Variants in THTPA observed in about 807,000 individuals in gnomAD.
THTPA encodes thiamine triphosphatase.
THTPA carries 16 observed loss-of-function variants against 16.5 expected under a neutral mutation model. The ratio of observed to expected loss-of-function variants is 0.97; its 90% confidence interval spans 0.66 to 1.47. The LOEUF is 1.47. Among genes scored for constraint, THTPA ranks in the 40% most tolerant of loss-of-function variants. The pLI, the probability that THTPA is intolerant of heterozygous loss-of-function variation, is 0.00. For synonymous variants in THTPA, 110 were observed against 115.5 expected (o/e 0.95, Z 0.30); for missense variants, 281 against 280.9 (o/e 1.00, Z 0.00).
the THTPA span, among the ~76,000 whole-genome samples, chr14:23,549,504 A>G: frequency 8.5e-5 from 13 of 152,150 alleles, no homozygotes; most frequent in South Asian, 2.1e-4. Context: ...GGCTCCTTAC[A>G]TACGATAGCT....
the THTPA span, chr14:23,521,969 G>A: frequency 6.5e-7 from 1 of 1,536,300 alleles, no homozygotes; most frequent in East Asian, 2.4e-5. Flanking sequence ...TGTTTATAAA[G>A]CTAGAAGTGT....
chr14:23,526,785 C>A, the THTPA span: 2 of 1,525,474 alleles, frequency 1.3e-6, no homozygotes, highest in South Asian at 1.2e-5. Flanking sequence ...ATCTTCAGAC[C>A]TTGTTGGCCC....
chr14:23,521,492 T>C, the THTPA span: 1 of 155,168 alleles, frequency 6.4e-6, no homozygotes, highest in Non-Finnish European at 1.4e-5. Flanking sequence ...TTCTTTTTCG[T>C]TTCTTCTTTT....
chr14:23,522,293 T>C, the THTPA span: 6 of 1,507,520 alleles, frequency 4.0e-6, no homozygotes, highest in Admixed American at 1.2e-4. Context: ...AGCCGGGGCC[T>C]CCCCGTCAAA....
the THTPA span, chr14:23,548,281 C>G: frequency 6.6e-6 from 1 of 152,348 alleles, no homozygotes; most frequent in East Asian, 1.9e-4. Flanking sequence ...CAGGCTCTAG[C>G]AAACCTCAGG....
chr14:23,519,813 G>A, the THTPA span, among the ~76,000 whole-genome samples: 1 of 152,136 alleles, frequency 6.6e-6, no homozygotes, highest in Non-Finnish European at 1.5e-5. Context: ...GACTGATAGA[G>A]CAGAAAACCT....
chr14:23,533,280 C>T, the THTPA span: 1 of 1,436,440 alleles, frequency 7.0e-7, no homozygotes, highest in Non-Finnish European at 9.1e-7. The surrounding 1 kb of genome is among the most constrained non-coding windows in gnomAD (Gnocchi z 4.8). Flanking sequence ...AGCACAGAAG[C>T]TTACCGGATG....
the THTPA span, chr14:23,524,601 G>T: frequency 6.5e-7 from 1 of 1,536,268 alleles, no homozygotes; most frequent in South Asian, 1.2e-5. This position sits in a 1 kb window ranked among gnomAD's most constrained non-coding sequence, Gnocchi z 5.6. Flanking sequence ...AGGAGGTCCT[G>T]GCTGGAGAAA....
the THTPA span, chr14:23,522,849 G>T: frequency 6.5e-7 from 1 of 1,529,596 alleles, no homozygotes; most frequent in Non-Finnish European, 8.7e-7. Context: ...GGTCTCTGAG[G>T]TAAGGGGCGG....
At chr14:23,525,903 G>A in the THTPA span, 9 of 1,461,014 alleles carry the variant, frequency 6.2e-6, no homozygotes, top group Non-Finnish European at 7.2e-6. The surrounding 1 kb of genome is among the most constrained non-coding windows in gnomAD (Gnocchi z 5.9). Flanking sequence ...AGAGGGAAGG[G>A]GGGCAGGACT....
chr14:23,531,654 G>A, the THTPA span: 932 of 1,507,378 alleles, frequency 6.2e-4, 3 homozygotes, highest in Non-Finnish European at 7.5e-4. Context: ...TGTCTCCCAC[G>A]CACACAACAG....
At chr14:23,523,737 T>G in the THTPA span, 1 of 1,536,284 alleles carries the variant, frequency 6.5e-7, no homozygotes, top group Non-Finnish European at 8.7e-7. The surrounding 1 kb of genome is among the most constrained non-coding windows in gnomAD (Gnocchi z 4.1). Context: ...ATCTGGGTCC[T>G]GTAGCGCCGC....
chr14:23,559,912 G>A lies in THTPA; in HGVS notation c.*1072G>A. 1 of 1,611,282 alleles carries A rather than the reference G, an allele frequency of 6.2e-7. No homozygotes were observed. Among genetic ancestry groups the A allele is most frequent in the Non-Finnish European group, 8.5e-7 (1 of 1,177,788 alleles). On this transcript the variant is annotated 3_prime_UTR_variant, in exon 2 of 2. Coordinates refer to ENST00000288014, the MANE Select transcript of THTPA (RefSeq NM_024328.6). The stretch of plus-strand genomic sequence containing the variant: ...ACGGCTTCTTCTATCCCTGGGTCTT[G>A]TCTTGGGGGAACTCCTGAAGCTCAC...
At chr14:23,520,682 T>C in the THTPA span, among the ~76,000 whole-genome samples, 4 of 151,530 alleles carry the variant, frequency 2.6e-5, no homozygotes, top group Admixed American at 1.3e-4. This position sits in a 1 kb window ranked among gnomAD's most constrained non-coding sequence, Gnocchi z 8.7. Flanking sequence ...AGGCTGCGCA[T>C]AGCAGGGGAG....
At chr14:23,546,186 AC>A in the THTPA span, among the ~76,000 whole-genome samples, 1 of 152,192 alleles carries the variant, frequency 6.6e-6, no homozygotes, top group Non-Finnish European at 1.5e-5. The surrounding 1 kb of genome is among the most constrained non-coding windows in gnomAD (Gnocchi z 4.7). Flanking sequence ...GGTCTTGCAC[AC>A]CCTGGAACAT....
At chr14:23,537,509 G>A in the THTPA span, among the ~76,000 whole-genome samples, 14 of 152,122 alleles carry the variant, frequency 9.2e-5, no homozygotes, top group Admixed American at 9.2e-4. Context: ...CAACCTGAAG[G>A]CCCCATTGTA....
the THTPA span, chr14:23,524,541 GAGC>G: frequency 6.5e-7 from 1 of 1,527,714 alleles, no homozygotes. The surrounding 1 kb of genome is among the most constrained non-coding windows in gnomAD (Gnocchi z 5.6). Flanking sequence ...AGTTGGGGGG[GAGC>G]ACTGGGCTGC....
the THTPA span, chr14:23,534,622 A>C: frequency 1.6e-5 from 24 of 1,536,084 alleles, no homozygotes; most frequent in African/African-American, 3.3e-4. The surrounding 1 kb of genome is among the most constrained non-coding windows in gnomAD (Gnocchi z 4.5). Context: ...GAGCCAGAAG[A>C]CCGCCACGTG....
chr14:23,556,840 C>T lies in THTPA; in HGVS notation c.83C>T (p.Thr28Ile). 1 of 1,613,010 alleles carries T rather than the reference C, an allele frequency of 6.2e-7. No individual in the cohort carries two copies. The change falls in exon 1 of 2, where the codon ACC becomes ATC. Residue 28 changes from threonine to isoleucine, a missense_variant. Transcript: ENST00000288014. The stretch of plus-strand genomic sequence containing the variant: ...GAGCGGCTGCAGGAGTTGGGGGGCA[C>T]CCTGGAGTACCGGGTCACCTTCCGA... ...TEERLQELGG[T>I]LEYRVTFRDT...
Sources: gnomAD v4.1 joint callset for allele counts (sites outside exome capture counted in the v4.1 genomes callset) on GRCh38, gnomAD v4.1.1 for gene constraint, Gnocchi (gnomAD v3.1) non-coding constraint, MANE v1.5 for transcripts, NCBI Gene and HGNC (gene_info 2026-07-23, HGNC 2026-07-21) for gene names.